FER1L6: variants seen among roughly 807,000 people sequenced by gnomAD.
The protein encoded by FER1L6 is fer-1 like family member 6, also known as fer-1-like protein 6.
Under a neutral mutation model 219.2 loss-of-function variants are expected in FER1L6, and 177 were observed. The ratio of observed to expected loss-of-function variants is 0.81; its 90% CI spans 0.71 to 0.91. The LOEUF (loss-of-function observed/expected upper bound fraction) is 0.91, where lower values mean the gene tolerates loss of function less well. Ranked by LOEUF, FER1L6 falls within the 40% of genes least tolerant of loss-of-function variation. The probability of loss-of-function intolerance (pLI) is 0.00; values close to 1 mark genes in which losing one functional copy is unlikely to be tolerated. For missense variants in FER1L6, 2,153 were observed against 2,259.9 expected, an observed-to-expected ratio of 0.95 and a Z score of 0.96; for synonymous variants, 768 against 824.3, an observed-to-expected ratio of 0.93 and a Z score of 1.17.
intron 1 of FER1L6, among the ~76,000 whole-genome samples, chr8:123,912,774 TAAAAG>T (rs1218726034): frequency 3.9e-5 from 6 of 152,058 alleles, no homozygotes; most frequent in African/African-American, 1.4e-4. Context: ...AGGTTAAAAA[TAAAAG>T]AAAATCAAAT....
At chr8:124,088,803 G>A (rs1563793131) in intron 33 of FER1L6, among the ~76,000 whole-genome samples, 1 of 152,032 alleles carries the variant, frequency 6.6e-6, no homozygotes, top group African/African-American at 2.4e-5. Context: ...TCTGGGAGCT[G>A]GGGCTTGGAA....
intron 1 of FER1L6, among the ~76,000 whole-genome samples, chr8:123,936,839 C>G (rs186864681): frequency 6.6e-6 from 1 of 152,284 alleles, no homozygotes; most frequent in Non-Finnish European, 1.5e-5. Context: ...AATCTATTCT[C>G]TCACTCCTTT....
chr8:124,053,880 A>G (rs890217012), intron 22 of FER1L6, among the ~76,000 whole-genome samples: 1 of 152,056 alleles, frequency 6.6e-6, no homozygotes, highest in Admixed American at 6.5e-5. Context: ...TGAAGGATAT[A>G]ATACCTTTGT....
intron 23 of FER1L6, 29 bp from the exon 24 acceptor site, chr8:124,060,519 G>A (rs763667291): frequency 6.2e-7 from 1 of 1,611,956 alleles, no homozygotes; most frequent in South Asian, 1.1e-5. Flanking sequence ...GTGGATCTGT[G>A]GTGATGGCTC....
intron 14 of FER1L6, among the ~76,000 whole-genome samples, chr8:124,012,118 T>TA (rs144528718): frequency 0.021 from 3,123 of 152,302 alleles, 123 homozygotes; most frequent in African/African-American, 0.071. Flanking sequence ...CCACATGCCT[T>TA]ACCAGATCAT....
intron 1 of FER1L6, among the ~76,000 whole-genome samples, chr8:123,865,536 T>C (rs1816820288): frequency 6.6e-6 from 1 of 151,498 alleles, no homozygotes; most frequent in African/African-American, 2.5e-5. Flanking sequence ...GCTGCTTTGT[T>C]TACCTAAGCA....
At chr8:124,027,029 G>A (rs1818738594) in intron 18 of FER1L6, among the ~76,000 whole-genome samples, 1 of 152,094 alleles carries the variant, frequency 6.6e-6, no homozygotes, top group South Asian at 2.1e-4. Context: ...TACTAGAATG[G>A]CGCCAATCTC....
chr8:123,959,345 T>C (rs1029012491), intron 2 of FER1L6, among the ~76,000 whole-genome samples: 1 of 152,176 alleles, frequency 6.6e-6, no homozygotes, highest in South Asian at 2.1e-4. Flanking sequence ...GAACGTTCAC[T>C]GGAAGCTTGA....
At chr8:123,987,626 TG>T (rs1816652181) in intron 12 of FER1L6, among the ~76,000 whole-genome samples, 2 of 152,190 alleles carry the variant, frequency 1.3e-5, no homozygotes, top group African/African-American at 2.4e-5. Flanking sequence ...GTTTTCCCAA[TG>T]TTTTCTTGTA....
chr8:123,901,536 G>T lies in FER1L6; in HGVS notation c.-8+49351G>T, dbSNP rs1309823805. Among the ~76,000 whole-genome samples the T allele has an allele frequency of 3.3e-5, 2 of 60,902 alleles. 1 individual carries two copies. Among genetic ancestry groups the T allele is most frequent in the Non-Finnish European group, 7.0e-5 (2 of 28,626 alleles). 40.0% of individuals were successfully genotyped at this position (60,902 alleles called of 152,430 possible). ...TTGGTTATTTCCTTTCTTCTGCTGGGTTTGGGTTTGGTTTGGTTTGGTTCT... is the reference window on the plus strand; with the variant it reads ...TTGGTTATTTCCTTTCTTCTGCTGGTTTTGGGTTTGGTTTGGTTTGGTTCT... On this transcript the variant is annotated intron_variant, in intron 1 of 40. Transcript: ENST00000522917.
intron 39 of FER1L6, among the ~76,000 whole-genome samples, chr8:124,109,960 A>G (rs1822950385): frequency 6.6e-6 from 1 of 152,198 alleles, no homozygotes; most frequent in Non-Finnish European, 1.5e-5. Context: ...ATAAAGCTAC[A>G]ACCTCTGCAG....
chr8:123,920,377 A>G (rs1813324488), intron 1 of FER1L6, among the ~76,000 whole-genome samples: 1 of 152,224 alleles, frequency 6.6e-6, no homozygotes, highest in Admixed American at 6.5e-5. Flanking sequence ...TGGCCCCATC[A>G]TCTAGCCTCT....
At chr8:124,013,562 G>C in intron 15 of FER1L6, 31 bp downstream of exon 15, 2 of 1,486,246 alleles carry the variant, frequency 1.3e-6, no homozygotes, top group Non-Finnish European at 1.8e-6. Flanking sequence ...CATAGGCGGA[G>C]CTGAGCTTCT....
intron 17 of FER1L6, among the ~76,000 whole-genome samples, chr8:124,022,204 T>C (rs1167123684): frequency 1.3e-5 from 2 of 152,234 alleles, no homozygotes; most frequent in African/African-American, 4.8e-5. Context: ...TCTTGAAAGT[T>C]GTAGTTCTTG....
At chr8:123,958,322 G>A (rs1815109555) in intron 2 of FER1L6, among the ~76,000 whole-genome samples, 1 of 152,172 alleles carries the variant, frequency 6.6e-6, no homozygotes, top group African/African-American at 2.4e-5. Flanking sequence ...GCATGGCCGA[G>A]GTCTCTTACC....
At chr8:123,983,874 G>A (rs537032649) in intron 11 of FER1L6, among the ~76,000 whole-genome samples, 45 of 152,220 alleles carry the variant, frequency 3.0e-4, no homozygotes, top group Non-Finnish European at 5.9e-4. Flanking sequence ...AGACTGCAGT[G>A]TCATTGTCTG....
At chr8:124,066,628 T>C in intron 27 of FER1L6, 78 bp downstream of exon 27, 1 of 1,514,264 alleles carries the variant, frequency 6.6e-7, no homozygotes, top group Non-Finnish European at 9.0e-7. Flanking sequence ...AAGTCCTACA[T>C]AACCTCCTTT....
In FER1L6 at chr8:124,010,860, A is replaced by G. The variant is rs1259383048; in HGVS notation, c.1821+146A>G. Reference sequence around the variant, plus strand: ...TGCATTTGGAGGGCACGTGGATCCTACTATGCAAATCTAGGGGAATGAGAC... The same window carrying G: ...TGCATTTGGAGGGCACGTGGATCCTGCTATGCAAATCTAGGGGAATGAGAC... On this transcript the variant is annotated intron_variant, in intron 14 of 40. Coordinates refer to ENST00000522917, the MANE Select transcript of FER1L6 (RefSeq NM_001039112.2). 4 of 1,159,500 alleles carry G rather than the reference A, an allele frequency of 3.4e-6. No individual in the cohort carries two copies. In the African/African-American group the frequency reaches 6.2e-5, roughly 18 times the overall value. 71.8% of individuals were successfully genotyped at this position (1,159,500 alleles called of 1,614,324 possible). A position where few individuals can be genotyped will look rare whatever the true frequency, so the allele number is the denominator to read the frequency against.
chr8:124,048,676 A>G (rs893635556), intron 21 of FER1L6, among the ~76,000 whole-genome samples: 1 of 152,236 alleles, frequency 6.6e-6, no homozygotes, highest in Non-Finnish European at 1.5e-5. Flanking sequence ...ACCAGTCCCT[A>G]TGCAAAGCCT....
Sources: allele counts gnomAD v4.1 joint callset (sites outside exome capture counted in the v4.1 genomes callset), GRCh38; gene constraint gnomAD v4.1.1; transcripts MANE v1.5; gene names NCBI Gene and HGNC (gene_info 2026-07-23, HGNC 2026-07-21).